NCAM1: variants seen among roughly 807,000 people sequenced by gnomAD.
NCAM1 encodes antigen recognized by monoclonal antibody 5.1H11.
Under a neutral mutation model 109.8 loss-of-function variants are expected in NCAM1, and 14 were observed. The observed-to-expected ratio is 0.13, with a 90% CI of 0.08 to 0.20. The LOEUF (loss-of-function observed/expected upper bound fraction) is 0.20. Ranked by LOEUF, NCAM1 falls within the 10% of genes least tolerant of loss-of-function variation. The pLI, the probability that NCAM1 is intolerant of heterozygous loss-of-function variation, is 1.00. For synonymous variants in NCAM1, 418 were observed against 442.9 expected, an observed-to-expected ratio of 0.94 and a Z score of 0.70; for missense variants, 774 against 1,109.9, an observed-to-expected ratio of 0.70 and a Z score of 4.30.
chr11:113,000,199 T>C (rs1555072150), intron 1 of NCAM1, among the ~76,000 whole-genome samples: 2 of 152,206 alleles, frequency 1.3e-5, no homozygotes, highest in East Asian at 1.9e-4. Context: ...GTCTGTCTTA[T>C]AACCAGCCAT....
rs1946441658 is a variant in NCAM1, at chr11:113,278,066, CA to C, written c.*2681del. 1 of 152,188 alleles carries C rather than the reference CA, an allele frequency of 6.6e-6. No homozygotes were observed. The allele number at this position is 152,188 out of a possible 1,614,324, so 9.4% of individuals were successfully genotyped here. On this transcript the variant is annotated 3_prime_UTR_variant, in exon 20 of 20. Coordinates refer to ENST00000316851, the MANE Select transcript of NCAM1 (RefSeq NM_181351.5). ...GTATTCACATGAAGACCGGCATGGC[CA>C]AGTTCTGCTGGAGGAGCACTCAAGT...
chr11:113,251,559 T>C (rs782523868), intron 15 of NCAM1, among the ~76,000 whole-genome samples: 3 of 152,216 alleles, frequency 2.0e-5, no homozygotes, highest in African/African-American at 4.8e-5. Flanking sequence ...CACAATACTT[T>C]ATATTTGTTA....
intron 1 of NCAM1, among the ~76,000 whole-genome samples, chr11:113,153,495 T>G (rs1942308556): frequency 6.6e-6 from 1 of 152,020 alleles, no homozygotes; most frequent in African/African-American, 2.4e-5. Context: ...TGTGTGTATG[T>G]GGCAAACGTG....
chr11:113,147,912 C>T (rs1942075516), intron 1 of NCAM1, among the ~76,000 whole-genome samples: 2 of 152,170 alleles, frequency 1.3e-5, no homozygotes, highest in South Asian at 4.1e-4. Flanking sequence ...ACTCTAGGCT[C>T]CATATTCTGC....
intron 1 of NCAM1, among the ~76,000 whole-genome samples, chr11:113,078,261 C>A (rs1565422643): frequency 6.6e-6 from 1 of 152,122 alleles, no homozygotes; most frequent in Non-Finnish European, 1.5e-5. Flanking sequence ...CTTCACATGG[C>A]CTCTGTGTCT....
chr11:112,966,736 CTTTTTGA>C (rs1383787842), intron 1 of NCAM1, among the ~76,000 whole-genome samples: 3 of 152,208 alleles, frequency 2.0e-5, no homozygotes, highest in African/African-American at 7.2e-5. Flanking sequence ...AGGAGCATTG[CTTTTTGA>C]TGTTGGCCTG....
intron 1 of NCAM1, among the ~76,000 whole-genome samples, chr11:113,023,324 G>A (rs1226828533): frequency 6.6e-6 from 1 of 152,198 alleles, no homozygotes; most frequent in African/African-American, 2.4e-5. Flanking sequence ...TCTTATGCAA[G>A]CCAAAAGGAA....
chr11:113,215,356 T>C (rs1370699901), intron 8 of NCAM1, among the ~76,000 whole-genome samples: 1 of 152,224 alleles, frequency 6.6e-6, no homozygotes, highest in Non-Finnish European at 1.5e-5. Flanking sequence ...CCTGTAGTAA[T>C]GGGCTTTGTT....
chr11:112,980,773 C>T (rs1383079292), intron 1 of NCAM1, among the ~76,000 whole-genome samples: 2 of 151,768 alleles, frequency 1.3e-5, no homozygotes, highest in African/African-American at 4.8e-5. Flanking sequence ...TTATTTTAAT[C>T]CTAGCACTTG....
chr11:113,088,402 A>G (rs2135738672), intron 1 of NCAM1, among the ~76,000 whole-genome samples: 1 of 152,340 alleles, frequency 6.6e-6, no homozygotes, highest in African/African-American at 2.4e-5. Context: ...TAGTCATTAT[A>G]AGAAACAATC....
rs181148339 is a variant in NCAM1, at chr11:112,986,271, T to C, written c.52+24607T>C. Among the ~76,000 whole-genome samples the C allele has an allele frequency of 2.5e-3, 376 of 152,178 alleles. 2 individuals carry two copies. Among genetic ancestry groups the C allele is most frequent in the South Asian group, 8.7e-3 (42 of 4,824 alleles). On this transcript the variant is annotated intron_variant, in intron 1 of 19. Transcript: ENST00000316851. ...TTCGAGGAATATATCCCCTTGATTATGGTGAGTTATCCTTTTAATGTGCTG... is the reference window on the plus strand; with the variant it reads ...TTCGAGGAATATATCCCCTTGATTACGGTGAGTTATCCTTTTAATGTGCTG...
At chr11:113,079,320 C>T (rs1366103144) in intron 1 of NCAM1, among the ~76,000 whole-genome samples, 1 of 152,134 alleles carries the variant, frequency 6.6e-6, no homozygotes, top group Admixed American at 6.5e-5. Flanking sequence ...AGAGTCAGTC[C>T]ACTGGTAAGT....
At chr11:113,059,018 C>A (rs1001099054) in intron 1 of NCAM1, among the ~76,000 whole-genome samples, 1 of 152,286 alleles carries the variant, frequency 6.6e-6, no homozygotes, top group East Asian at 1.9e-4. Flanking sequence ...GTGCTCTGGA[C>A]AAACAGCTTG....
chr11:113,224,584 A>G (rs987706668), intron 9 of NCAM1, among the ~76,000 whole-genome samples: 1 of 152,230 alleles, frequency 6.6e-6, no homozygotes, highest in Non-Finnish European at 1.5e-5. Context: ...GGAAGACAGC[A>G]GTGGTTCTCC....
rs578036186 is a variant in NCAM1, at chr11:113,133,661, G to C, written c.53-68718G>C. On this transcript the variant is annotated intron_variant, in intron 1 of 19. Transcript: ENST00000316851. The stretch of plus-strand genomic sequence containing the variant: ...TAAGACTCAGGTTTATGTGTGTGAT[G>C]GGGGAGGAAGTCAGGGGGGAATCTT... 3.9e-5 allele frequency: 6 copies of C among 152,216 alleles called. No individual in the cohort carries two copies. In the East Asian group the frequency reaches 9.7e-4, roughly 24 times the overall value. The allele number at this position is 152,216 out of a possible 1,614,324, so 9.4% of individuals were successfully genotyped here.
At chr11:113,022,122 A>T (rs1369970567) in intron 1 of NCAM1, among the ~76,000 whole-genome samples, 1 of 152,238 alleles carries the variant, frequency 6.6e-6, no homozygotes, top group Non-Finnish European at 1.5e-5. Flanking sequence ...GACTAAGCAT[A>T]TGTTGGAAGG....
At chr11:113,189,462 AAAAAAG>A (rs1411217417) in intron 1 of NCAM1, among the ~76,000 whole-genome samples, 15 of 150,574 alleles carry the variant, frequency 1.0e-4, no homozygotes, top group Admixed American at 3.3e-4. Context: ...AAAAAAAAAA[AAAAAAG>A]AAAAGAAAAG....
At chr11:113,080,035 C>T (rs1938718795) in intron 1 of NCAM1, among the ~76,000 whole-genome samples, 1 of 152,120 alleles carries the variant, frequency 6.6e-6, no homozygotes, top group Non-Finnish European at 1.5e-5. Flanking sequence ...ACCAGAGATT[C>T]AGATTCTGAA....
At chr11:113,091,051 A>C (rs963393708) in intron 1 of NCAM1, among the ~76,000 whole-genome samples, 1 of 152,226 alleles carries the variant, frequency 6.6e-6, no homozygotes, top group Admixed American at 6.5e-5. Context: ...GACTTGGAGT[A>C]TGTGTGGGAT....
Sources: allele counts gnomAD v4.1 joint callset (sites outside exome capture counted in the v4.1 genomes callset), GRCh38; gene constraint gnomAD v4.1.1; transcripts MANE v1.5; gene names NCBI Gene and HGNC (gene_info 2026-07-23, HGNC 2026-07-21).